PRDM4: variants seen among roughly 807,000 people sequenced by gnomAD.
The protein encoded by PRDM4 is PR domain zinc finger protein 4.
PRDM4 carries 38 observed loss-of-function variants against 62.3 expected under a neutral mutation model. The observed-to-expected ratio is 0.61, with a 90% CI of 0.47 to 0.80. The LOEUF (loss-of-function observed/expected upper bound fraction) is 0.80, where lower values mean the gene tolerates loss of function less well. Among genes scored for constraint, PRDM4 ranks in the 30% least tolerant of loss-of-function variants. The pLI, the probability that PRDM4 is intolerant of heterozygous loss-of-function variation, is 0.00. For synonymous variants in PRDM4, 339 were observed against 348.2 expected (o/e 0.97, Z 0.30); for missense variants, 858 against 997.1 (o/e 0.86, Z 1.88).
chr12:107,749,565 T>TCAGAAGC (rs1296723463), intron 5 of PRDM4, among the ~76,000 whole-genome samples: 1 of 152,184 alleles, frequency 6.6e-6, no homozygotes, highest in East Asian at 1.9e-4. Context: ...CTACCTAGTT[T>TCAGAAGC]CAGAAGCCAG....
chr12:107,739,707 C>T (rs1445377447), intron 10 of PRDM4, 156 bp from the exon 11 acceptor site: 1 of 593,982 alleles, frequency 1.7e-6, no homozygotes, highest in Non-Finnish European at 2.8e-6. Flanking sequence ...TGTGAGACCA[C>T]TCAAGAGCTC....
intron 4 of PRDM4, among the ~76,000 whole-genome samples, chr12:107,752,598 A>G (rs1460247537): frequency 6.6e-6 from 1 of 152,096 alleles, no homozygotes; most frequent in African/African-American, 2.4e-5. Flanking sequence ...ATAATTTAAT[A>G]TAATTAAACT....
chr12:107,754,102 T>C lies in PRDM4; in HGVS notation c.153A>G (p.Pro51=), dbSNP rs756849638. ...AGGGACCCAGGTTTGGAATTGCCAC[T>C]GGGAGGCCTACAAAACAAAATTTTT... ...THSAIPAPGL[P]VAIPNLGPSL... Residue 51 remains proline, a synonymous_variant, in exon 4 of 12, where the codon CCA becomes CCG. Coordinates refer to ENST00000228437, the MANE Select transcript of PRDM4 (RefSeq NM_012406.4). 62 of 1,588,404 alleles carry C rather than the reference T, an allele frequency of 3.9e-5. No homozygotes were observed. In the East Asian group the frequency reaches 1.3e-3, roughly 33 times the overall value.
chr12:107,753,378 A>G (rs1438414299), intron 4 of PRDM4, among the ~76,000 whole-genome samples: 1 of 150,460 alleles, frequency 6.6e-6, no homozygotes, highest in Admixed American at 6.7e-5. Flanking sequence ...ATTAAAAGAA[A>G]AAAAAAAAAA....
intron 9 of PRDM4, among the ~76,000 whole-genome samples, chr12:107,741,577 G>A (rs1890520450): frequency 6.6e-6 from 1 of 152,038 alleles, no homozygotes; most frequent in African/African-American, 2.4e-5. Context: ...TCATTGGCTG[G>A]GCATGGTGAT....
chr12:107,733,027 A>G lies in PRDM4; in HGVS notation c.*1183T>C, dbSNP rs185227873. ...TTGAGCAGGAGAGCATGTTCCATCAATCCTGTCAACTTAAGGGTGGGTCTG... is the reference window on the plus strand; with the variant it reads ...TTGAGCAGGAGAGCATGTTCCATCAGTCCTGTCAACTTAAGGGTGGGTCTG... On this transcript the variant is annotated 3_prime_UTR_variant, in exon 12 of 12. Transcript: ENST00000228437. 282 of 152,736 alleles carry G rather than the reference A, an allele frequency of 1.8e-3. No homozygotes were observed. In the Middle Eastern group the frequency reaches 0.02, roughly 11 times the overall value. 9.5% of individuals were successfully genotyped at this position (152,736 alleles called of 1,614,324 possible). A position where few individuals can be genotyped will look rare whatever the true frequency, so the allele number is the denominator to read the frequency against.
Position 107,741,141 on chromosome 12 carries a change from T to C in PRDM4, c.1729A>G (p.Ser577Gly), listed in dbSNP as rs149313146. Reference sequence around the variant, plus strand: ...CTGTGACTTGGCCCATGGCTGCCGCTATGTCCCTGGGTAGGAAGATGGTTA... The same window carrying C: ...CTGTGACTTGGCCCATGGCTGCCGCCATGTCCCTGGGTAGGAAGATGGTTA... The part of the protein sequence containing the change: ...IHNHLPTQGH[S>G]GSHGPSHSKE... The change falls in exon 10 of 12, where the codon AGC (serine) becomes GGC (glycine). Residue 577 changes from serine to glycine, a missense_variant. This residue lies in a region of PRDM4 where 355 missense variants were observed against 432.6 expected (regional missense o/e 0.82). Coordinates refer to ENST00000228437, the MANE Select transcript of PRDM4 (RefSeq NM_012406.4). The C allele has an allele frequency of 1.9e-6, 3 of 1,614,034 alleles. No individual in the cohort carries two copies. The highest frequency in any genetic ancestry group is 1.3e-5 in the African/African-American group (1 of 74,928).
Position 107,734,535 on chromosome 12 carries a change from C to T in PRDM4, c.2094-13G>A, listed in dbSNP as rs1566090290. 6.3e-7 allele frequency: 1 copy of T among 1,591,456 alleles called. No homozygotes were observed. Among genetic ancestry groups the T allele is most frequent in the Admixed American group, 1.8e-5 (1 of 55,888 alleles). ...GATCTGGCGTTCTCTAAGAGGAACA[C>T]AAGAAAAAACATTTGATTTGGGGTT... On this transcript the variant is annotated splice_polypyrimidine_tract_variant and intron_variant, in intron 11 of 11. Coordinates refer to ENST00000228437, the MANE Select transcript of PRDM4 (RefSeq NM_012406.4).
chr12:107,750,046 C>T (rs760629921), intron 5 of PRDM4, among the ~76,000 whole-genome samples: 6 of 152,164 alleles, frequency 3.9e-5, no homozygotes, highest in African/African-American at 9.7e-5. Context: ...AAATCTTCCC[C>T]GACCCTTCCA....
rs374373496 is a variant in PRDM4 at position 107,736,173 on chromosome 12, T to C, written c.2094-1651A>G. On this transcript the variant is annotated intron_variant, in intron 11 of 11. Transcript: ENST00000228437. ...GGCACTGTTCTAGATGCTAGGGCTA[T>C]AGGATGTGGGTAAACTAAGTCCCTG... is the stretch of plus-strand genomic sequence containing the variant. Among the ~76,000 whole-genome samples the C allele has an allele frequency of 5.3e-5, 8 of 152,370 alleles. 1 individual carries two copies. The highest frequency in any genetic ancestry group is 1.4e-4 in the African/African-American group (6 of 41,594).
At chr12:107,760,446 A>C in intron 2 of PRDM4, 59 bp downstream of exon 2, 1 of 1,607,024 alleles carries the variant, frequency 6.2e-7, no homozygotes, top group Middle Eastern at 1.7e-4. Flanking sequence ...GACCCTGGAC[A>C]CTCACTCGCC....
intron 11 of PRDM4, among the ~76,000 whole-genome samples, chr12:107,736,149 G>T (rs1890322241): frequency 6.6e-6 from 1 of 152,178 alleles, no homozygotes; most frequent in African/African-American, 2.4e-5. Flanking sequence ...ATTATGCCAG[G>T]CACTGTTCTA....
At chr12:107,744,314 C>T (rs1383761326) in intron 7 of PRDM4, among the ~76,000 whole-genome samples, 4 of 152,134 alleles carry the variant, frequency 2.6e-5, no homozygotes, top group East Asian at 1.9e-4. Flanking sequence ...AAAACAGAGA[C>T]AAAAACAGTT....
rs1436859543 is a variant in PRDM4 at position 107,743,231 on chromosome 12, C to A, written c.1447G>T (p.Glu483Ter). The A allele has an allele frequency of 6.2e-7, 1 of 1,613,652 alleles. No homozygotes were observed. Among genetic ancestry groups the A allele is most frequent in the Admixed American group, 1.7e-5 (1 of 60,022 alleles). The change falls in exon 8 of 12, where the codon GAA becomes TAA. Residue 483 changes from glutamate (E) to a stop codon, truncating the protein, a stop_gained. Transcript: ENST00000228437. LOFTEE classifies it high-confidence loss of function. ...EFCIITTDENECNWMMFVRKA... is the reference protein window; with the variant it reads ...EFCIITTDEN ...CGCACAAACATCATCCAATTACATT[C>A]ATTTTCATCAGTTGTAATGATGCAG...
chr12:107,739,536 C>T lies in PRDM4; in HGVS notation c.1940G>A (p.Arg647Lys). 1 of 1,613,604 alleles carries T rather than the reference C, an allele frequency of 6.2e-7. No individual in the cohort carries two copies. The highest frequency in any genetic ancestry group is 8.5e-7 in the Non-Finnish European group (1 of 1,179,676). ...GAAAGACTTGTCACACAAGGTACAC[C>T]TGTAGTTCTTCTGACCTGCAATCAG... Reference protein sequence around the residue: ...LKIHTGQKNYRCTLCDKSFTQ... With the variant: ...LKIHTGQKNYKCTLCDKSFTQ... Residue 647 changes from arginine (R) to lysine (K), a missense_variant, in exon 11 of 12, where the codon AGG becomes AAG. Transcript: ENST00000228437.
chr12:107,736,869 T>A (rs1301616929), intron 11 of PRDM4: 4 of 152,314 alleles, frequency 2.6e-5, no homozygotes, highest in Non-Finnish European at 5.9e-5. Context: ...CTTCAAGGTG[T>A]TTGGCTTGAC....
At position 107,734,193 on chromosome 12, in the gene PRDM4, G is replaced by C. The variant is rs912716707; in HGVS notation, c.*17C>G. 2 of 1,566,234 alleles carry C rather than the reference G, an allele frequency of 1.3e-6. No individual in the cohort carries two copies. The highest frequency in any genetic ancestry group is 1.7e-6 in the Non-Finnish European group (2 of 1,158,816). ...TCCATTTGCATTTTCATCCAAAATT[G>C]CTTGTTTCTTTTCCTTTTATTTATG... On this transcript the variant is annotated 3_prime_UTR_variant, in exon 12 of 12. Transcript: ENST00000228437.
chr12:107,758,200 G>A (rs1268752041), intron 2 of PRDM4: 3 of 150,866 alleles, frequency 2.0e-5, no homozygotes, highest in African/African-American at 7.3e-5. Context: ...CTATGTATTG[G>A]GCTAAGTGAT....
chr12:107,744,491 TCTTA>T, intron 7 of PRDM4, 48 bp downstream of exon 7: 1 of 1,584,782 alleles, frequency 6.3e-7, no homozygotes. Flanking sequence ...TTTAACTACC[TCTTA>T]CTAAGAAAAA....
Sources: gnomAD v4.1 joint callset for allele counts (sites outside exome capture counted in the v4.1 genomes callset) on GRCh38, gnomAD v4.1.1 for gene constraint, gnomAD v4.1.1 regional missense constraint, MANE v1.5 for transcripts, NCBI Gene and HGNC (gene_info 2026-07-23, HGNC 2026-07-21) for gene names.